Variants in TEKT5 observed in about 807,000 individuals in gnomAD.
The protein encoded by TEKT5 is tektin-5.
TEKT5 carries 52 observed loss-of-function variants against 48.7 expected under a neutral mutation model. That is an observed-to-expected ratio of 1.07 (90% CI 0.86 to 1.35). TEKT5 has a LOEUF of 1.35. Ranked by LOEUF, TEKT5 falls within the 40% of genes most tolerant of loss-of-function variation. TEKT5 has a pLI of 0.00. For missense variants in TEKT5, 831 were observed against 641.6 expected (o/e 1.30, Z -3.19); for synonymous variants, 318 against 267.6 (o/e 1.19, Z -1.84).
intron 3 of TEKT5, among the ~76,000 whole-genome samples, chr16:10,682,570 C>A (rs1348892322): frequency 2.4e-4 from 36 of 152,150 alleles, no homozygotes; most frequent in Non-Finnish European, 7.3e-5. Flanking sequence ...TCAAGTGATC[C>A]CCCTGCCTCA....
chr16:10,682,265 C>A (rs1898770199), intron 3 of TEKT5, 129 bp from the exon 4 acceptor site: 4 of 986,702 alleles, frequency 4.1e-6, no homozygotes, highest in Non-Finnish European at 6.0e-6. Flanking sequence ...CAGTCCTCTT[C>A]CCACCTCCAT....
chr16:10,661,626 C>A (rs1898372633), intron 5 of TEKT5, among the ~76,000 whole-genome samples: 1 of 152,148 alleles, frequency 6.6e-6, no homozygotes, highest in African/African-American at 2.4e-5. Flanking sequence ...GAAACGAGGT[C>A]ACCAAAGTAT....
intron 6 of TEKT5, among the ~76,000 whole-genome samples, chr16:10,633,218 G>A (rs1289471656): frequency 3.3e-5 from 5 of 152,142 alleles, no homozygotes; most frequent in East Asian, 1.9e-4. Context: ...AAAATTAGCC[G>A]AGCATGGTGG....
chr16:10,692,215 G>C (rs1030986683), intron 1 of TEKT5, among the ~76,000 whole-genome samples: 1 of 152,316 alleles, frequency 6.6e-6, no homozygotes, highest in African/African-American at 2.4e-5. Context: ...AGTGAGAAGA[G>C]AATGGGAGGG....
In TEKT5 at chr16:10,638,000, T is replaced by C. The variant is rs566800321; in HGVS notation, c.1087-2082A>G. 9.9e-5 allele frequency among the ~76,000 whole-genome samples: 15 copies of C among 152,080 alleles called. No individual in the cohort carries two copies. The South Asian group carries it at 1.9e-3, about 19-fold the overall frequency. ...TAATTGTTTAATTTTTTTCAAGAGA[T>C]TGGGGCTTGCTATGTTGCTCAGACT... On this transcript the variant is annotated intron_variant, in intron 5 of 6. Transcript: ENST00000283025.
chr16:10,670,705 G>C (rs2142295699), intron 5 of TEKT5, among the ~76,000 whole-genome samples: 1 of 152,208 alleles, frequency 6.6e-6, no homozygotes, highest in Non-Finnish European at 1.5e-5. Flanking sequence ...GTTGGAGTTT[G>C]GTGCATTTCA....
chr16:10,651,984 G>A (rs909773120), intron 5 of TEKT5, among the ~76,000 whole-genome samples: 2 of 151,978 alleles, frequency 1.3e-5, no homozygotes, highest in African/African-American at 4.8e-5. Flanking sequence ...AAGACAAGAG[G>A]ATAAGCATTG....
In TEKT5 at chr16:10,627,641, T is replaced by C; in HGVS notation, c.1400A>G (p.Lys467Arg). Residue 467 changes from lysine (K) to arginine (R), a missense_variant, in exon 7 of 7, where the codon AAG becomes AGG. Physicochemically the swap from Lys to Arg is conservative, Grantham distance 26. Transcript: ENST00000283025. ...KANTLCIDKE[K>R]CMGMRKTFPC... The stretch of plus-strand genomic sequence containing the variant: ...GAAGGTCTTACGCATGCCCATGCAC[T>C]TCTCCTTGTCGATGCAGAGGGTGTT... 2 of 1,614,200 alleles carry C rather than the reference T, an allele frequency of 1.2e-6. No homozygotes were observed. Among genetic ancestry groups the C allele is most frequent in the African/African-American group, 1.3e-5 (1 of 75,072 alleles).
chr16:10,652,375 T>C (rs1432622209), intron 5 of TEKT5, among the ~76,000 whole-genome samples: 1 of 151,340 alleles, frequency 6.6e-6, no homozygotes, highest in Non-Finnish European at 1.5e-5. Context: ...GGTAGAACTA[T>C]CCCTTATATA....
intron 5 of TEKT5, among the ~76,000 whole-genome samples, chr16:10,665,807 C>T (rs1034994209): frequency 1.6e-4 from 25 of 152,182 alleles, no homozygotes; most frequent in Admixed American, 5.2e-4. Flanking sequence ...CTAAGGTGGG[C>T]ATCAGGTAGA....
At position 10,676,130 on chromosome 16, in the gene TEKT5, G is replaced by A. The variant is rs775998494; in HGVS notation, c.915C>T (p.His305=). Residue 305 remains histidine, a synonymous_variant, in exon 5 of 7, where the codon CAC becomes CAT. Transcript: ENST00000283025. ...TGGAGTTGGCCCGCATGTTCTGAGAGTGTTTGATGTTGTCGTTACTGAACT... is the reference window on the plus strand; with the variant it reads ...TGGAGTTGGCCCGCATGTTCTGAGAATGTTTGATGTTGTCGTTACTGAACT... ...WAKFSNDNIK[H]SQNMRANSIQ... 6.2e-7 allele frequency: 1 copy of A among 1,614,222 alleles called. No individual in the cohort carries two copies.
chr16:10,672,984 T>G (rs1430853244), intron 5 of TEKT5, among the ~76,000 whole-genome samples: 1 of 151,974 alleles, frequency 6.6e-6, no homozygotes. Flanking sequence ...CAGCCTCCTG[T>G]GACAGTAATT....
intron 6 of TEKT5, among the ~76,000 whole-genome samples, chr16:10,629,244 T>A (rs1897799828): frequency 6.6e-6 from 1 of 151,820 alleles, no homozygotes; most frequent in African/African-American, 2.4e-5. Flanking sequence ...TTACATGTAT[T>A]TTATCACAAT....
intron 5 of TEKT5, among the ~76,000 whole-genome samples, chr16:10,670,191 A>C (rs1898527677): frequency 6.6e-6 from 1 of 152,242 alleles, no homozygotes; most frequent in Non-Finnish European, 1.5e-5. Context: ...TTTGCCAAGG[A>C]CTATCAGGCT....
At chr16:10,633,191 A>C (rs1461816878) in intron 6 of TEKT5, among the ~76,000 whole-genome samples, 3 of 151,928 alleles carry the variant, frequency 2.0e-5, no homozygotes, top group Non-Finnish European at 4.4e-5. Context: ...TGAAACCCTG[A>C]CTCTACTAAC....
chr16:10,652,529 A>ACAGG (rs1297456078), intron 5 of TEKT5, among the ~76,000 whole-genome samples: 1 of 139,412 alleles, frequency 7.2e-6, no homozygotes, highest in Non-Finnish European at 1.6e-5. Context: ...CCTTATATAC[A>ACAGG]CAGGCAGACA....
At chr16:10,661,137 T>C (rs899838156) in intron 5 of TEKT5, among the ~76,000 whole-genome samples, 4 of 152,340 alleles carry the variant, frequency 2.6e-5, no homozygotes, top group Middle Eastern at 3.4e-3. Flanking sequence ...TGAAAATGTA[T>C]TGGGCATGGC....
intron 5 of TEKT5, among the ~76,000 whole-genome samples, chr16:10,656,435 T>C (rs1898263772): frequency 6.6e-6 from 1 of 151,972 alleles, no homozygotes; most frequent in African/African-American, 2.4e-5. Flanking sequence ...TTATTTTTCT[T>C]AGAGACAGGG....
chr16:10,668,997 T>G (rs1471073024), intron 5 of TEKT5, among the ~76,000 whole-genome samples: 2 of 152,166 alleles, frequency 1.3e-5, no homozygotes, highest in Non-Finnish European at 1.5e-5. Flanking sequence ...AGCTCTGAAT[T>G]GCTAGAGCTA....
Sources: allele counts gnomAD v4.1 joint callset (sites outside exome capture counted in the v4.1 genomes callset), GRCh38; gene constraint gnomAD v4.1.1; transcripts MANE v1.5; gene names NCBI Gene and HGNC (gene_info 2026-07-23, HGNC 2026-07-21).